Variants in EDEM1 observed in about 807,000 individuals in gnomAD.
EDEM1 encodes the protein ER degradation-enhancing alpha-mannosidase-like protein 1.
Under a neutral mutation model 74.4 loss-of-function variants are expected in EDEM1, and 67 were observed. The ratio of observed to expected loss-of-function variants is 0.90; its 90% CI spans 0.74 to 1.10. The LOEUF is 1.10. Among genes scored for constraint, EDEM1 ranks in the 50% least tolerant of loss-of-function variants. The pLI, the probability that EDEM1 is intolerant of heterozygous loss-of-function variation, is 0.00. For missense variants in EDEM1, 926 were observed against 851.6 expected, an observed-to-expected ratio of 1.09 and a Z score of -1.09; for synonymous variants, 382 against 335.9, an observed-to-expected ratio of 1.14 and a Z score of -1.50.
chr3:5,218,741 G>A lies in EDEM1; in HGVS notation c.*2823G>A, dbSNP rs896354340. ...CTTAGCTACTTTAGTTGATGTGACC[G>A]AGGAATCCCTTCTAGAATCATAGGT... is the stretch of plus-strand genomic sequence containing the variant. On this transcript the variant is annotated 3_prime_UTR_variant, in exon 12 of 12. Coordinates refer to ENST00000256497, the MANE Select transcript of EDEM1 (RefSeq NM_014674.3). 9 of 152,280 alleles carry A rather than the reference G, an allele frequency of 5.9e-5. No individual in the cohort carries two copies. The highest frequency in any genetic ancestry group is 2.6e-4 in the Admixed American group (4 of 15,298). The allele number at this position is 152,280 out of a possible 1,614,324, so 9.4% of individuals were successfully genotyped here.
At position 5,216,865 on chromosome 3, in the gene EDEM1, T is replaced by C. The variant is rs1439703604; in HGVS notation, c.*947T>C. 1 of 152,654 alleles carries C rather than the reference T, an allele frequency of 6.6e-6. No homozygotes were observed. The highest frequency in any genetic ancestry group is 1.5e-5 in the Non-Finnish European group (1 of 68,036). 9.5% of individuals were successfully genotyped at this position (152,654 alleles called of 1,614,324 possible). Reference sequence around the variant, plus strand: ...TCTGAGCTTCCATCTTTCTCATATTTCCTAAGCAAGGATTCTCACTTCTGA... The same window carrying C: ...TCTGAGCTTCCATCTTTCTCATATTCCCTAAGCAAGGATTCTCACTTCTGA... On this transcript the variant is annotated 3_prime_UTR_variant, in exon 12 of 12. Coordinates refer to ENST00000256497, the MANE Select transcript of EDEM1 (RefSeq NM_014674.3).
intron 11 of EDEM1, among the ~76,000 whole-genome samples, 193 bp downstream of exon 11, chr3:5,213,715 A>G (rs2055196353): frequency 6.6e-6 from 1 of 152,218 alleles, no homozygotes; most frequent in Non-Finnish European, 1.5e-5. Context: ...CGGTGGCATC[A>G]TCACTGCTGG....
intron 3 of EDEM1, among the ~76,000 whole-genome samples, chr3:5,201,159 CTT>C (rs1416919483): frequency 6.6e-6 from 1 of 150,676 alleles, no homozygotes; most frequent in African/African-American, 2.5e-5. Flanking sequence ...TTAGTACACT[CTT>C]ATTTTTTTTT....
At position 5,213,488 on chromosome 3, in the gene EDEM1, C is replaced by T. The variant is rs541795629; in HGVS notation, c.1850C>T (p.Pro617Leu). Residue 617 changes from proline (P) to leucine (L), a missense_variant, in exon 11 of 12, where the codon CCT becomes CTT. Coordinates refer to ENST00000256497, the MANE Select transcript of EDEM1 (RefSeq NM_014674.3). The stretch of plus-strand genomic sequence containing the variant: ...GGAAAGTCTGTGCACAGGCCGAAAC[C>T]TCATGAGTTAAAAGTCATCAACTCC... Reference protein sequence around the residue: ...QGGKSVHRPKPHELKVINSSS... With the variant: ...QGGKSVHRPKLHELKVINSSS... 12 of 1,613,524 alleles carry T rather than the reference C, an allele frequency of 7.4e-6. No homozygotes were observed. The South Asian group carries it at 1.3e-4, about 18-fold the overall frequency.
rs1270522222 is a variant in EDEM1 at position 5,199,657 on chromosome 3, C to T, written c.648C>T (p.Asp216=). 1.2e-6 allele frequency: 2 copies of T among 1,613,686 alleles called. No individual in the cohort carries two copies. Among genetic ancestry groups the T allele is most frequent in the East Asian group, 2.2e-5 (1 of 44,884 alleles). Residue 216 remains aspartate, a synonymous_variant, in exon 3 of 12, where the codon GAC becomes GAT. Coordinates refer to ENST00000256497, the MANE Select transcript of EDEM1 (RefSeq NM_014674.3). ...VKLVINTVSF[D]KDSTVQVFEA... ...TAGTGATCAACACAGTTTCATTTGA[C>T]AAAGATTCCACCGTCCAAGTCTTTG...
intron 10 of EDEM1, among the ~76,000 whole-genome samples, chr3:5,212,160 G>A (rs1209592570): frequency 6.6e-6 from 1 of 152,238 alleles, no homozygotes; most frequent in Non-Finnish European, 1.5e-5. Flanking sequence ...TCAGAAATCT[G>A]TCATTTTGAC....
At position 5,203,023 on chromosome 3, in the gene EDEM1, G is replaced by A. The variant is rs1161685410; in HGVS notation, c.916G>A (p.Ala306Thr). Residue 306 changes from alanine to threonine, a missense_variant, in exon 5 of 12, where the codon GCC becomes ACC. Physicochemically the swap from Ala to Thr is moderately conservative, Grantham distance 58. Coordinates refer to ENST00000256497, the MANE Select transcript of EDEM1 (RefSeq NM_014674.3). The part of the protein sequence containing the change: ...DTNNETCTAG[A>T]GSLLVEFGIL... ...CAATAATGAGACATGCACAGCGGGA[G>A]CCGGTTCCCTCCTGGTGGAATTTGG... The A allele has an allele frequency of 6.2e-7, 1 of 1,613,964 alleles. No homozygotes were observed. Among genetic ancestry groups the A allele is most frequent in the Non-Finnish European group, 8.5e-7 (1 of 1,179,920 alleles).
Position 5,219,387 on chromosome 3 carries a change from A to C in EDEM1, c.*3469A>C, listed in dbSNP as rs1000513869. On this transcript the variant is annotated 3_prime_UTR_variant, in exon 12 of 12. Transcript: ENST00000256497. ...AAGAAAATCCTGAGCTTTCCTGTCC[A>C]TTCCCAGCATCCAGCTCCTATTCTA... 2 of 152,188 alleles carry C rather than the reference A, an allele frequency of 1.3e-5. No individual in the cohort carries two copies. 9.4% of individuals were successfully genotyped at this position (152,188 alleles called of 1,614,324 possible). A position where few individuals can be genotyped will look rare whatever the true frequency, so the allele number is the denominator to read the frequency against.
rs1234237985 is a variant in EDEM1, at chr3:5,213,478, A to G, written c.1840A>G (p.Arg614Gly). The change falls in exon 11 of 12, where the codon AGG becomes GGG. Residue 614 changes from arginine (R) to glycine (G), a missense_variant. Physicochemically the swap from Arg to Gly is moderately radical, Grantham distance 125 (BLOSUM62 -2). Coordinates refer to ENST00000256497, the MANE Select transcript of EDEM1 (RefSeq NM_014674.3). The stretch of plus-strand genomic sequence containing the variant: ...GGACCAAGGGGGAAAGTCTGTGCAC[A>G]GGCCGAAACCTCATGAGTTAAAAGT... ...GQDQGGKSVH[R>G]PKPHELKVIN... 5 of 1,613,918 alleles carry G rather than the reference A, an allele frequency of 3.1e-6. No individual in the cohort carries two copies. In the Admixed American group the frequency reaches 5.0e-5, roughly 16 times the overall value.
intron 8 of EDEM1, among the ~76,000 whole-genome samples, chr3:5,208,780 C>CAA (rs2055131642): frequency 6.6e-6 from 1 of 151,350 alleles, no homozygotes; most frequent in Non-Finnish European, 1.5e-5. Context: ...TACACACACA[C>CAA]ACACACACAT....
chr3:5,200,802 T>C (rs2055024541), intron 3 of EDEM1, among the ~76,000 whole-genome samples: 1 of 152,116 alleles, frequency 6.6e-6, no homozygotes, highest in African/African-American at 2.4e-5. Flanking sequence ...GTTACGGTGT[T>C]AGGGAAGTTG....
intron 1 of EDEM1, 49 bp downstream of exon 1, chr3:5,188,363 G>T (rs1242744341): frequency 2.9e-6 from 4 of 1,364,776 alleles, no homozygotes; most frequent in Non-Finnish European, 3.8e-6. Context: ...GCTTCCTTCC[G>T]CCCTCCGCGC....
chr3:5,189,351 A>T (rs1275091575), intron 1 of EDEM1: 1 of 152,074 alleles, frequency 6.6e-6, no homozygotes, highest in Non-Finnish European at 1.5e-5. Flanking sequence ...GACTAAACGG[A>T]GTTGGGTTTT....
Position 5,188,084 on chromosome 3 carries a change from G to A in EDEM1, c.279G>A (p.Gly93=), listed in dbSNP as rs2054849085. ...PRKAPRRPGP[G]MCGPANWGYV... is the part of the protein sequence containing the mutation. ...AGGCTCCGCGGCGTCCTGGGCCGGG[G>A]ATGTGCGGCCCAGCCAACTGGGGCT... The change falls in exon 1 of 12, where the codon GGG becomes GGA. Residue 93 remains glycine (G), a synonymous_variant. Transcript: ENST00000256497. 3.3e-6 allele frequency: 5 copies of A among 1,492,606 alleles called. No homozygotes were observed. Among genetic ancestry groups the A allele is most frequent in the Non-Finnish European group, 3.6e-6 (4 of 1,119,802 alleles). The allele number at this position is 1,492,606 out of a possible 1,614,324, so 92.5% of individuals were successfully genotyped here. A position where few individuals can be genotyped will look rare whatever the true frequency, so the allele number is the denominator to read the frequency against.
At position 5,218,419 on chromosome 3, in the gene EDEM1, G is replaced by A. The variant is rs2055268151; in HGVS notation, c.*2501G>A. On this transcript the variant is annotated 3_prime_UTR_variant, in exon 12 of 12. Coordinates refer to ENST00000256497, the MANE Select transcript of EDEM1 (RefSeq NM_014674.3). ...TGATATATCCTGCAGGGCTTTTGCAGTTTCTTCTGTTCTGTGTTCTGAAAT... is the reference window on the plus strand; with the variant it reads ...TGATATATCCTGCAGGGCTTTTGCAATTTCTTCTGTTCTGTGTTCTGAAAT... 1 of 150,356 alleles carries A rather than the reference G, an allele frequency of 6.7e-6. No homozygotes were observed. The highest frequency in any genetic ancestry group is 2.1e-4 in the South Asian group (1 of 4,782). The allele number at this position is 150,356 out of a possible 1,614,324, so 9.3% of individuals were successfully genotyped here.
Position 5,217,941 on chromosome 3 carries a change from C to G in EDEM1, c.*2023C>G, listed in dbSNP as rs1019154664. The G allele has an allele frequency of 5.3e-5, 8 of 152,190 alleles. No individual in the cohort carries two copies. Among genetic ancestry groups the G allele is most frequent in the African/African-American group, 1.7e-4 (7 of 41,426 alleles). 9.4% of individuals were successfully genotyped at this position (152,190 alleles called of 1,614,324 possible). ...TTCCTGCCTGTGATTTCTCTTGGCGCTCCCCTCCTCTCCCGCTCTGGCTTC... is the reference window on the plus strand; with the variant it reads ...TTCCTGCCTGTGATTTCTCTTGGCGGTCCCCTCCTCTCCCGCTCTGGCTTC... On this transcript the variant is annotated 3_prime_UTR_variant, in exon 12 of 12. Coordinates refer to ENST00000256497, the MANE Select transcript of EDEM1 (RefSeq NM_014674.3).
At chr3:5,212,600 C>T (rs948861482) in intron 10 of EDEM1, among the ~76,000 whole-genome samples, 2 of 152,208 alleles carry the variant, frequency 1.3e-5, no homozygotes, top group Non-Finnish European at 2.9e-5. Context: ...CACTGAATCT[C>T]ATTTTTCCTC....
chr3:5,188,239 A>C lies in EDEM1; in HGVS notation c.434A>C (p.Tyr145Ser), dbSNP rs1371889868. 6.3e-7 allele frequency: 1 copy of C among 1,582,944 alleles called. No homozygotes were observed. Among genetic ancestry groups the C allele is most frequent in the Admixed American group, 1.8e-5 (1 of 56,608 alleles). The part of the protein sequence containing the change: ...RGMFVFGYDN[Y>S]MAHAFPQDEL... ...ATGTTCGTCTTTGGCTACGACAACTACATGGCTCACGCCTTCCCCCAGGAC... is the reference window on the plus strand; with the variant it reads ...ATGTTCGTCTTTGGCTACGACAACTCCATGGCTCACGCCTTCCCCCAGGAC... The change falls in exon 1 of 12, where the codon TAC becomes TCC. Residue 145 changes from tyrosine (Y) to serine (S), a missense_variant. Physicochemically the swap from Tyr to Ser is moderately radical, Grantham distance 144. Transcript: ENST00000256497.
At chr3:5,200,526 A>G (rs965780317) in intron 3 of EDEM1, among the ~76,000 whole-genome samples, 4 of 152,062 alleles carry the variant, frequency 2.6e-5, no homozygotes, top group Non-Finnish European at 5.9e-5. Context: ...TATATTGTAT[A>G]TTGCTTTTTT....
Sources: allele counts gnomAD v4.1 joint callset (sites outside exome capture counted in the v4.1 genomes callset), GRCh38; gene constraint gnomAD v4.1.1; transcripts MANE v1.5; gene names NCBI Gene and HGNC (gene_info 2026-07-23, HGNC 2026-07-21).